Variants in CAMKMT observed in about 807,000 individuals in gnomAD.
The protein encoded by CAMKMT is calmodulin-lysine N-methyltransferase.
A neutral mutation model predicts 48.0 loss-of-function variants in CAMKMT; 53 were observed. The observed-to-expected ratio is 1.10, with a 90% CI of 0.89 to 1.39. The LOEUF is 1.39. Among genes scored for constraint, CAMKMT ranks in the 40% most tolerant of loss-of-function variants. CAMKMT has a pLI of 0.00. For missense variants in CAMKMT, 428 were observed against 402.7 expected (o/e 1.06, Z -0.54); for synonymous variants, 165 against 152.3 (o/e 1.08, Z -0.61).
chr2:44,744,718 T>A (rs944259605), intron 8 of CAMKMT, among the ~76,000 whole-genome samples: 3 of 152,170 alleles, frequency 2.0e-5, no homozygotes, highest in Non-Finnish European at 4.4e-5. Flanking sequence ...TTTGTTATTA[T>A]TATTATTTTA....
At chr2:44,558,064 TTCATTCATTC>T (rs1668116097) in intron 3 of CAMKMT, among the ~76,000 whole-genome samples, 1 of 112,992 alleles carries the variant, frequency 8.9e-6, no homozygotes, top group South Asian at 2.9e-4. Flanking sequence ...CATTCATTCA[TTCATTCATTC>T]GATGAGATCT....
chr2:44,378,308 A>G (rs980760415), intron 2 of CAMKMT, among the ~76,000 whole-genome samples: 2 of 152,180 alleles, frequency 1.3e-5, no homozygotes, highest in African/African-American at 4.8e-5. Flanking sequence ...CAGTAAATTG[A>G]AATGTTCCCT....
intron 3 of CAMKMT, among the ~76,000 whole-genome samples, chr2:44,693,249 G>C (rs1676760303): frequency 6.6e-6 from 1 of 152,124 alleles, no homozygotes; most frequent in Admixed American, 6.5e-5. Context: ...TTATAAATCT[G>C]GTCATACCAC....
intron 3 of CAMKMT, among the ~76,000 whole-genome samples, chr2:44,680,305 C>G (rs568687696): frequency 3.9e-5 from 6 of 152,198 alleles, no homozygotes; most frequent in Middle Eastern, 3.4e-3. Flanking sequence ...TATTATTTTC[C>G]CTTTTCATGG....
chr2:44,469,114 C>T (rs561263330), intron 3 of CAMKMT, among the ~76,000 whole-genome samples: 19 of 152,212 alleles, frequency 1.2e-4, no homozygotes, highest in East Asian at 9.7e-4. Flanking sequence ...TAGTGTTCTA[C>T]AGCACTGTAG....
At chr2:44,367,941 T>G (rs1276739782) in intron 1 of CAMKMT, among the ~76,000 whole-genome samples, 1 of 152,228 alleles carries the variant, frequency 6.6e-6, no homozygotes, top group African/African-American at 2.4e-5. Flanking sequence ...CATAAGTGTT[T>G]CTGTATAGTT....
At chr2:44,509,141 G>A (rs745761690) in intron 3 of CAMKMT, among the ~76,000 whole-genome samples, 7 of 151,596 alleles carry the variant, frequency 4.6e-5, no homozygotes, top group Non-Finnish European at 1.0e-4. Flanking sequence ...GCTTTAATGT[G>A]AGAACACTGA....
intron 3 of CAMKMT, among the ~76,000 whole-genome samples, chr2:44,490,418 G>T (rs1026450442): frequency 2.0e-5 from 3 of 152,148 alleles, no homozygotes; most frequent in African/African-American, 7.2e-5. Flanking sequence ...TGGGATTACA[G>T]GCATGCGCCA....
chr2:44,435,191 T>A (rs1666150057), intron 3 of CAMKMT, among the ~76,000 whole-genome samples: 4 of 152,228 alleles, frequency 2.6e-5, no homozygotes, highest in South Asian at 2.1e-4. Context: ...GTATTTTTGG[T>A]CCCTAGCAAC....
chr2:44,433,135 A>G (rs1299371944), intron 3 of CAMKMT, among the ~76,000 whole-genome samples: 2 of 152,154 alleles, frequency 1.3e-5, no homozygotes, highest in Non-Finnish European at 2.9e-5. Context: ...CTATTGGTTT[A>G]TATCTTTTTA....
intron 3 of CAMKMT, among the ~76,000 whole-genome samples, chr2:44,625,399 A>G (rs2103948365): frequency 6.6e-6 from 1 of 152,318 alleles, no homozygotes; most frequent in Non-Finnish European, 1.5e-5. Flanking sequence ...CATTTAATAA[A>G]TACATATATT....
chr2:44,564,544 T>C (rs1668507698), intron 3 of CAMKMT, among the ~76,000 whole-genome samples: 1 of 151,886 alleles, frequency 6.6e-6, no homozygotes, highest in Middle Eastern at 3.2e-3. Context: ...ACATTTTGTT[T>C]GTTTGTTTGT....
At chr2:44,644,792 A>C (rs1405934796) in intron 3 of CAMKMT, among the ~76,000 whole-genome samples, 1 of 152,170 alleles carries the variant, frequency 6.6e-6, no homozygotes, top group Non-Finnish European at 1.5e-5. Flanking sequence ...TAATTGGTGC[A>C]ATTACTGTAT....
chr2:44,665,942 C>G (rs949816827), intron 3 of CAMKMT, among the ~76,000 whole-genome samples: 9 of 152,088 alleles, frequency 5.9e-5, no homozygotes, highest in African/African-American at 1.9e-4. Context: ...TAAAGGTGGC[C>G]AAATCACTCA....
Position 44,672,540 on chromosome 2 carries a change from A to G in CAMKMT, c.377-31743A>G, listed in dbSNP as rs144463545. 3.7e-3 allele frequency among the ~76,000 whole-genome samples: 564 copies of G among 152,226 alleles called. 2 individuals carry two copies. The highest frequency in any genetic ancestry group is 0.013 in the African/African-American group (541 of 41,544). ...CCACTGCTCCTTTTTAGTTGCATTT[A>G]GGGACCTTCTCCAATTCAGTCTCTT... On this transcript the variant is annotated intron_variant, in intron 3 of 10. Transcript: ENST00000378494.
At chr2:44,620,440 G>A (rs867045960) in intron 3 of CAMKMT, among the ~76,000 whole-genome samples, 4 of 152,150 alleles carry the variant, frequency 2.6e-5, no homozygotes, top group Middle Eastern at 6.8e-3. Flanking sequence ...CTGTGCCTGG[G>A]CTGTCAAAAG....
At chr2:44,431,280 G>A (rs1684633982) in intron 3 of CAMKMT, among the ~76,000 whole-genome samples, 1 of 151,904 alleles carries the variant, frequency 6.6e-6, no homozygotes, top group Non-Finnish European at 1.5e-5. Context: ...AATTAACTTT[G>A]TATTAACTTC....
chr2:44,460,492 T>G (rs941962078), intron 3 of CAMKMT, among the ~76,000 whole-genome samples: 1 of 152,118 alleles, frequency 6.6e-6, no homozygotes, highest in African/African-American at 2.4e-5. Flanking sequence ...GATATTGGCT[T>G]TGCAAACTTA....
intron 3 of CAMKMT, among the ~76,000 whole-genome samples, chr2:44,503,410 ACT>A (rs1466735684): frequency 6.6e-6 from 1 of 152,172 alleles, no homozygotes; most frequent in Non-Finnish European, 1.5e-5. Flanking sequence ...CATATGACAC[ACT>A]CTATCAGCAA....
Sources: gnomAD v4.1 joint callset for allele counts (sites outside exome capture counted in the v4.1 genomes callset) on GRCh38, gnomAD v4.1.1 for gene constraint, MANE v1.5 for transcripts, NCBI Gene and HGNC (gene_info 2026-07-23, HGNC 2026-07-21) for gene names.